PLA2G10: variants seen among roughly 807,000 people sequenced by gnomAD.
PLA2G10 encodes the protein phospholipase A2 group X.
PLA2G10 carries 9 observed loss-of-function variants against 7.9 expected under a neutral mutation model. The ratio of observed to expected loss-of-function variants is 1.14; its 90% CI spans 0.68 to 1.98. The LOEUF is 1.98. PLA2G10 is among the 30% of genes most tolerant of loss of function. The pLI is 0.00. For missense variants in PLA2G10, 53 were observed against 65.4 expected (o/e 0.81, Z 0.66); for synonymous variants, 19 against 27.5 (o/e 0.69, Z 0.97).
At chr16:14,678,370 C>T (rs1960784048) in intron 3 of PLA2G10, among the ~76,000 whole-genome samples, 1 of 152,202 alleles carries the variant, frequency 6.6e-6, no homozygotes, top group South Asian at 2.1e-4. Context: ...CCTGCCCAAG[C>T]CACCTCTCTC....
chr16:14,684,728 AAG>A (rs1273095742), intron 3 of PLA2G10, among the ~76,000 whole-genome samples: 2 of 152,284 alleles, frequency 1.3e-5, no homozygotes, highest in East Asian at 1.9e-4. Flanking sequence ...AGGCTGAGCC[AAG>A]AGGATAGTTT....
chr16:14,674,857 G>T (rs547034629), intron 3 of PLA2G10, among the ~76,000 whole-genome samples: 3 of 152,042 alleles, frequency 2.0e-5, no homozygotes, highest in South Asian at 4.2e-4. Context: ...AGCTAAACAC[G>T]TACAACTAAC....
chr16:14,677,376 A>AT (rs746687677), intron 3 of PLA2G10, among the ~76,000 whole-genome samples: 40 of 150,736 alleles, frequency 2.7e-4, no homozygotes, highest in Non-Finnish European at 5.2e-4. Flanking sequence ...AAAACTTTTC[A>AT]TTTTTTTTTG....
intron 3 of PLA2G10, among the ~76,000 whole-genome samples, chr16:14,676,670 C>A (rs757684665): frequency 5.3e-5 from 8 of 152,120 alleles, no homozygotes; most frequent in Non-Finnish European, 8.8e-5. Context: ...CAGAACAAGA[C>A]TCCTTCTCAA....
intron 3 of PLA2G10, among the ~76,000 whole-genome samples, chr16:14,673,017 T>C (rs992337206): frequency 1.6e-5 from 2 of 126,928 alleles, no homozygotes. Context: ...TTTTCTTTTC[T>C]TTTTTTTTTT....
chr16:14,678,994 A>T (rs1960805018), intron 3 of PLA2G10, among the ~76,000 whole-genome samples: 1 of 151,494 alleles, frequency 6.6e-6, no homozygotes, highest in Non-Finnish European at 1.5e-5. Context: ...GGGCCCTTGC[A>T]CTGGCTGTTG....
chr16:14,677,999 T>G (rs1301218864), intron 3 of PLA2G10, among the ~76,000 whole-genome samples: 1 of 152,096 alleles, frequency 6.6e-6, no homozygotes, highest in East Asian at 1.9e-4. Flanking sequence ...TGGATAAACA[T>G]AATATGTGCG....
intron 3 of PLA2G10, among the ~76,000 whole-genome samples, chr16:14,687,328 A>ATTTT (rs201336845): frequency 7.3e-6 from 1 of 136,328 alleles, no homozygotes; most frequent in Admixed American, 7.6e-5. Flanking sequence ...GTTAGGTAAA[A>ATTTT]TTTTTTTTTT....
intron 3 of PLA2G10, 124 bp from the exon 4 acceptor site, chr16:14,672,873 G>A: frequency 1.2e-6 from 1 of 840,800 alleles, no homozygotes; most frequent in Non-Finnish European, 1.9e-6. Context: ...CCCACCACGT[G>A]ATCTCCATCT....
At chr16:14,672,892 C>T in intron 3 of PLA2G10, 143 bp from the exon 4 acceptor site, 1 of 710,808 alleles carries the variant, frequency 1.4e-6, no homozygotes, top group South Asian at 2.1e-5. Context: ...CTGCAGGGCT[C>T]CCCAGGAAGC....
At chr16:14,675,897 T>C (rs753653770) in intron 3 of PLA2G10, among the ~76,000 whole-genome samples, 22 of 132,974 alleles carry the variant, frequency 1.7e-4, no homozygotes, top group Non-Finnish European at 2.8e-4. Flanking sequence ...TGAGGTTATG[T>C]CACTGCGCTC....
chr16:14,676,152 G>T (rs527769039), intron 3 of PLA2G10, among the ~76,000 whole-genome samples: 1 of 152,248 alleles, frequency 6.6e-6, no homozygotes, highest in Admixed American at 6.5e-5. Flanking sequence ...AATGCTTTTA[G>T]ACTGCTGGTG....
chr16:14,684,082 G>T (rs571476258), intron 3 of PLA2G10, among the ~76,000 whole-genome samples: 1 of 151,830 alleles, frequency 6.6e-6, no homozygotes, highest in African/African-American at 2.4e-5. Context: ...TAAAAATGGC[G>T]GGGCGTGGTG....
At chr16:14,673,417 G>A (rs1158516976) in intron 3 of PLA2G10, among the ~76,000 whole-genome samples, 1 of 151,854 alleles carries the variant, frequency 6.6e-6, no homozygotes, top group Non-Finnish European at 1.5e-5. Flanking sequence ...TGTCACCCAG[G>A]CTGGAGTGTA....
chr16:14,682,658 A>C (rs535149903), intron 3 of PLA2G10, among the ~76,000 whole-genome samples: 1 of 152,316 alleles, frequency 6.6e-6, no homozygotes, highest in Admixed American at 6.5e-5. Context: ...AGTCAGCAGA[A>C]CCTGGAGTTT....
At chr16:14,681,899 G>C (rs1328473989) in intron 3 of PLA2G10, among the ~76,000 whole-genome samples, 1 of 151,836 alleles carries the variant, frequency 6.6e-6, no homozygotes, top group Non-Finnish European at 1.5e-5. Context: ...ATTTTCAACA[G>C]ATTTCCCACT....
At chr16:14,681,369 A>G (rs1006306717) in intron 3 of PLA2G10, among the ~76,000 whole-genome samples, 2 of 152,102 alleles carry the variant, frequency 1.3e-5, no homozygotes, top group Non-Finnish European at 2.9e-5. Flanking sequence ...CAGAACTGGG[A>G]AGGTGTGGAC....
intron 3 of PLA2G10, among the ~76,000 whole-genome samples, chr16:14,687,551 T>G (rs1265320103): frequency 1.3e-5 from 2 of 152,074 alleles, no homozygotes. Context: ...CCTCAAGCGA[T>G]CCTCCTTCTG....
intron 3 of PLA2G10, among the ~76,000 whole-genome samples, chr16:14,681,930 C>G (rs1416793560): frequency 6.6e-6 from 1 of 151,896 alleles, no homozygotes; most frequent in Admixed American, 6.6e-5. Context: ...TTCACCTCCT[C>G]ATCACCCACA....
Sources: gnomAD v4.1 joint callset for allele counts (sites outside exome capture counted in the v4.1 genomes callset) on GRCh38, gnomAD v4.1.1 for gene constraint, MANE v1.5 for transcripts, NCBI Gene and HGNC (gene_info 2026-07-23, HGNC 2026-07-21) for gene names.